The following DPRX variants were observed in gnomAD, a reference collection of about 807,000 sequenced individuals.
DPRX encodes the protein divergent-paired related homeobox, also known as divergent paired-related homeobox.
DPRX carries 11 observed loss-of-function variants against 8.4 expected under a neutral mutation model. The ratio of observed to expected loss-of-function variants is 1.31; its 90% CI spans 0.82 to 2.17. The LOEUF (loss-of-function observed/expected upper bound fraction) is 2.17, where lower values mean the gene tolerates loss of function less well. Among genes scored for constraint, DPRX ranks in the 30% most tolerant of loss-of-function variants. The pLI, the probability that DPRX is intolerant of heterozygous loss-of-function variation, is 0.00. For missense variants in DPRX, 211 were observed against 236.7 expected, an observed-to-expected ratio of 0.89 and a Z score of 0.71; for synonymous variants, 72 against 87.0, an observed-to-expected ratio of 0.83 and a Z score of 0.96.
chr19:53,608,924 C>T, the DPRX span, among the ~76,000 whole-genome samples: 1 of 130,922 alleles, frequency 7.6e-6, no homozygotes, highest in East Asian at 2.4e-4. Context: ...CACTGCACTC[C>T]AGCCTGGGCG....
the DPRX span, chr19:53,601,996 C>T: frequency 2.2e-6 from 1 of 455,970 alleles, no homozygotes. Context: ...AGGCCACCTA[C>T]CTTGAAGTAA....
chr19:53,619,394 G>T, the DPRX span, among the ~76,000 whole-genome samples: 1 of 152,034 alleles, frequency 6.6e-6, no homozygotes, highest in Admixed American at 6.6e-5. Flanking sequence ...CAGAAAACAG[G>T]CCGGGTGCGG....
chr19:53,610,600 C>T, the DPRX span, among the ~76,000 whole-genome samples: 32 of 146,838 alleles, frequency 2.2e-4, no homozygotes, highest in African/African-American at 7.2e-4. Context: ...GGAGCTCTGC[C>T]GGGGGCAGGT....
chr19:53,627,433 T>TGC, upstream of DPRX, among the ~76,000 whole-genome samples: 1 of 74,266 alleles, frequency 1.3e-5, no homozygotes, highest in Admixed American at 2.1e-4. Context: ...TTTTCTTTCT[T>TGC]TCTTTCTTTT....
At chr19:53,602,228 G>T in the DPRX span, 6 of 427,660 alleles carry the variant, frequency 1.4e-5, no homozygotes, top group Non-Finnish European at 2.4e-5. Context: ...TGAAGATCTC[G>T]GGCCACATCC....
At chr19:53,608,953 CAAAAAAA>C in the DPRX span, among the ~76,000 whole-genome samples, 2 of 76,930 alleles carry the variant, frequency 2.6e-5, no homozygotes, top group Non-Finnish European at 2.4e-5. Context: ...GAGACTCCGT[CAAAAAAA>C]AAAAAAAAAA....
At chr19:53,618,859 T>A in the DPRX span, among the ~76,000 whole-genome samples, 356 of 152,022 alleles carry the variant, frequency 2.3e-3, no homozygotes, top group African/African-American at 8.3e-3. Flanking sequence ...ATTTTGTACT[T>A]TTAGCAGAGA....
chr19:53,625,848 G>T, the DPRX span, among the ~76,000 whole-genome samples: 1 of 151,978 alleles, frequency 6.6e-6, no homozygotes, highest in African/African-American at 2.4e-5. Context: ...ATGTTGGCCA[G>T]GCTGGTCTGG....
the DPRX span, among the ~76,000 whole-genome samples, chr19:53,618,393 A>G: frequency 4.6e-5 from 7 of 151,940 alleles, no homozygotes; most frequent in African/African-American, 1.7e-4. Flanking sequence ...TCAGATAGGT[A>G]TGTAAGACTG....
chr19:53,636,935 A>G lies in DPRX; in HGVS notation c.523A>G (p.Ser175Gly), dbSNP rs773555980. 1.6e-5 allele frequency: 26 copies of G among 1,613,230 alleles called. No homozygotes were observed. The highest frequency in any genetic ancestry group is 2.1e-5 in the Non-Finnish European group (25 of 1,179,528). The change falls in exon 3 of 3, where the codon AGC becomes GGC. Residue 175 changes from serine (S) to glycine (G), a missense_variant. Transcript: ENST00000376650. ...TTTGGAATCCCAAGTTTGCGCTCCA[A>G]GCTTCCATTCTGGCTCTCCTGCCTG...
At chr19:53,630,910 G>T (rs191147436), upstream of DPRX, among the ~76,000 whole-genome samples, 1 of 151,500 alleles carries the variant, frequency 6.6e-6, no homozygotes, top group Non-Finnish European at 1.5e-5. Context: ...GCAGTGGTGC[G>T]ATCTCAGCTC....
intron 2 of DPRX, among the ~76,000 whole-genome samples, chr19:53,635,290 A>G (rs7256933): frequency 0.48 from 73,497 of 151,876 alleles, 18,771 homozygotes; most frequent in African/African-American, 0.65. Context: ...GATTATAGGC[A>G]TAAGCCACTG....
the DPRX span, chr19:53,616,679 C>T: frequency 3.1e-5 from 24 of 770,468 alleles, no homozygotes; most frequent in East Asian, 2.0e-4. Context: ...CCTTGAACCT[C>T]ATAGGCAGAG....
the DPRX span, among the ~76,000 whole-genome samples, chr19:53,610,028 G>C: frequency 1.3e-5 from 2 of 150,214 alleles, no homozygotes; most frequent in Non-Finnish European, 3.0e-5. Context: ...GCCCACACCT[G>C]TAATCCCAGC....
the DPRX span, chr19:53,617,033 A>G: frequency 9.0e-6 from 11 of 1,220,974 alleles, no homozygotes; most frequent in Middle Eastern, 9.4e-4. Flanking sequence ...TTCTTGGCCT[A>G]CAGAGTAAGT....
At position 53,636,577 on chromosome 19, in the gene DPRX, TTCTC is replaced by T. The variant is rs1211943471; in HGVS notation, c.184-13_184-10del. The T allele has an allele frequency of 6.5e-7, 1 of 1,535,288 alleles. No individual in the cohort carries two copies. The highest frequency in any genetic ancestry group is 8.8e-7 in the Non-Finnish European group (1 of 1,137,628). Reference sequence around the variant, plus strand: ...GTCATCTGAATTCCACCCCATTCTCTTCTCTCTCTTCCCTTCAGGTCTGGTTCAA... The same window carrying T: ...GTCATCTGAATTCCACCCCATTCTCTTCTCTTCCCTTCAGGTCTGGTTCAA... On this transcript the variant is annotated splice_polypyrimidine_tract_variant and intron_variant, in intron 2 of 2. Transcript: ENST00000376650.
At chr19:53,634,358 G>A (rs2091104406) in intron 1 of DPRX, among the ~76,000 whole-genome samples, 173 bp from the exon 2 acceptor site, 1 of 152,170 alleles carries the variant, frequency 6.6e-6, no homozygotes, top group East Asian at 1.9e-4. Flanking sequence ...TTGAACTCAG[G>A]AGGTGGAGGT....
chr19:53,616,844 G>A, the DPRX span: 5 of 1,600,242 alleles, frequency 3.1e-6, no homozygotes, highest in East Asian at 9.0e-5. Flanking sequence ...GCGCTTGAAT[G>A]TCCCAACCTG....
At chr19:53,611,764 T>C in the DPRX span, among the ~76,000 whole-genome samples, 1 of 152,110 alleles carries the variant, frequency 6.6e-6, no homozygotes, top group Non-Finnish European at 1.5e-5. Context: ...GGAAGGACTA[T>C]GTGAAAAGTA....
Sources: allele counts gnomAD v4.1 joint callset (sites outside exome capture counted in the v4.1 genomes callset), GRCh38; gene constraint gnomAD v4.1.1; transcripts MANE v1.5; gene names NCBI Gene and HGNC (gene_info 2026-07-23, HGNC 2026-07-21).